MDGA2: variants seen among roughly 807,000 people sequenced by gnomAD.
The protein encoded by MDGA2 is MAM domain-containing glycosylphosphatidylinositol anchor protein 2.
A neutral mutation model predicts 117.8 loss-of-function variants in MDGA2; 40 were observed. The ratio of observed to expected loss-of-function variants is 0.34; its 90% confidence interval spans 0.26 to 0.44. MDGA2 has a LOEUF of 0.44. Among genes scored for constraint, MDGA2 ranks in the 20% least tolerant of loss-of-function variants. MDGA2 has a pLI of 1.00. For missense variants in MDGA2, 1,123 were observed against 1,250.6 expected, an observed-to-expected ratio of 0.90 and a Z score of 1.54; for synonymous variants, 452 against 439.0, an observed-to-expected ratio of 1.03 and a Z score of -0.37.
chr14:47,650,446 G>A (rs1897618622), intron 1 of MDGA2, among the ~76,000 whole-genome samples: 1 of 152,170 alleles, frequency 6.6e-6, no homozygotes, highest in African/African-American at 2.4e-5. Flanking sequence ...CCTGTGTGGA[G>A]TGTGCAGGTT....
At chr14:47,286,837 G>GTGTA (rs1566720912) in intron 2 of MDGA2, among the ~76,000 whole-genome samples, 1 of 97,966 alleles carries the variant, frequency 1.0e-5, no homozygotes, top group Non-Finnish European at 2.1e-5. Context: ...ATATATATAT[G>GTGTA]TATATATATA....
At chr14:47,328,618 G>A (rs1193074426) in intron 1 of MDGA2, among the ~76,000 whole-genome samples, 3 of 152,112 alleles carry the variant, frequency 2.0e-5, no homozygotes, top group Non-Finnish European at 4.4e-5. Context: ...TGAAAGAACT[G>A]TGTCCCTGTG....
At chr14:47,429,383 T>A (rs1453206552) in intron 1 of MDGA2, among the ~76,000 whole-genome samples, 1 of 152,136 alleles carries the variant, frequency 6.6e-6, no homozygotes, top group Non-Finnish European at 1.5e-5. Context: ...TAGAAAATTA[T>A]AACAATTCTT....
intron 3 of MDGA2, among the ~76,000 whole-genome samples, chr14:47,176,334 C>T (rs180753711): frequency 2.9e-4 from 44 of 152,244 alleles, no homozygotes; most frequent in African/African-American, 1.0e-3. Flanking sequence ...ACAGAGCCGG[C>T]ATTGCCAAGT....
chr14:47,014,543 T>C (rs1888014147), intron 8 of MDGA2, among the ~76,000 whole-genome samples: 1 of 152,206 alleles, frequency 6.6e-6, no homozygotes, highest in South Asian at 2.1e-4. Context: ...CTTGCTGCAG[T>C]TTCTACATCA....
chr14:46,912,219 CA>C (rs1883732977), intron 10 of MDGA2, among the ~76,000 whole-genome samples: 1 of 152,128 alleles, frequency 6.6e-6, no homozygotes, highest in Admixed American at 6.5e-5. Flanking sequence ...AGCAAATTTG[CA>C]TTTTCATATT....
intron 3 of MDGA2, among the ~76,000 whole-genome samples, chr14:47,166,466 T>A (rs2139299556): frequency 6.6e-6 from 1 of 152,268 alleles, no homozygotes; most frequent in Middle Eastern, 3.4e-3. Flanking sequence ...ATATTCTCTG[T>A]CTACTCAAAG....
intron 2 of MDGA2, among the ~76,000 whole-genome samples, chr14:47,279,759 C>T (rs1888416446): frequency 1.3e-5 from 2 of 151,970 alleles, no homozygotes; most frequent in South Asian, 4.1e-4. Flanking sequence ...CTACCCATTC[C>T]CCTACACACA....
At chr14:47,377,399 G>A (rs575273287) in intron 1 of MDGA2, among the ~76,000 whole-genome samples, 4 of 152,242 alleles carry the variant, frequency 2.6e-5, no homozygotes, top group South Asian at 4.1e-4. Context: ...AGTGTGAGCC[G>A]AAGCAGGGTG....
chr14:47,188,427 C>T (rs989208072), intron 3 of MDGA2, among the ~76,000 whole-genome samples: 1 of 152,148 alleles, frequency 6.6e-6, no homozygotes, highest in East Asian at 1.9e-4. Context: ...TGTGAGGGAA[C>T]AGCAGTTGAA....
At position 47,395,556 on chromosome 14, in the gene MDGA2, G is replaced by A. The variant is rs554253500; in HGVS notation, c.281-94006C>T. On this transcript the variant is annotated intron_variant, in intron 1 of 16. Coordinates refer to ENST00000399232, the MANE Select transcript of MDGA2 (RefSeq NM_001113498.3). The stretch of plus-strand genomic sequence containing the variant: ...TAATTTACTAAAGTAAATACCTAGT[G>A]ATTGGAAAATGATGTTATTCAATAT... 6.6e-5 allele frequency among the ~76,000 whole-genome samples: 10 copies of A among 152,172 alleles called. No individual in the cohort carries two copies. In the East Asian group the frequency reaches 1.5e-3, roughly 23 times the overall value.
chr14:46,979,798 A>G (rs1271398586), intron 8 of MDGA2, among the ~76,000 whole-genome samples: 1 of 152,232 alleles, frequency 6.6e-6, no homozygotes, highest in African/African-American at 2.4e-5. Context: ...CCATCATGAT[A>G]ACTTAAAAGT....
At chr14:47,398,477 T>C (rs1892063966) in intron 1 of MDGA2, among the ~76,000 whole-genome samples, 1 of 152,136 alleles carries the variant, frequency 6.6e-6, no homozygotes, top group South Asian at 2.1e-4. Context: ...TTGGAGAGGT[T>C]GTTATGGGGA....
chr14:47,298,975 C>A (rs1246428548), intron 2 of MDGA2, among the ~76,000 whole-genome samples: 4 of 152,156 alleles, frequency 2.6e-5, no homozygotes, highest in Middle Eastern at 3.4e-3. Context: ...CGTGAGCCAC[C>A]GCGCCCAGCC....
intron 6 of MDGA2, among the ~76,000 whole-genome samples, chr14:47,068,406 AAG>A: frequency 2.6e-5 from 2 of 77,950 alleles, no homozygotes; most frequent in African/African-American, 1.5e-4. Flanking sequence ...TATTTTAAGT[AAG>A]AAAAAAAAAA....
At chr14:47,507,217 T>C (rs537754993) in intron 1 of MDGA2, among the ~76,000 whole-genome samples, 3 of 152,076 alleles carry the variant, frequency 2.0e-5, no homozygotes, top group African/African-American at 7.2e-5. Flanking sequence ...CAAAGGACTA[T>C]CCAGCTGCCA....
intron 1 of MDGA2, among the ~76,000 whole-genome samples, chr14:47,398,923 T>C (rs1365792396): frequency 2.6e-5 from 4 of 152,180 alleles, no homozygotes; most frequent in Non-Finnish European, 4.4e-5. Flanking sequence ...GACAGAATAA[T>C]TGATATATAC....
intron 1 of MDGA2, among the ~76,000 whole-genome samples, chr14:47,403,088 C>G (rs1249551161): frequency 6.6e-6 from 1 of 152,202 alleles, no homozygotes; most frequent in African/African-American, 2.4e-5. Context: ...TCTCTAGCGT[C>G]CATGCTGAGT....
chr14:47,580,107 C>G (rs1896201842), intron 1 of MDGA2, among the ~76,000 whole-genome samples: 1 of 151,998 alleles, frequency 6.6e-6, no homozygotes, highest in Non-Finnish European at 1.5e-5. Context: ...TGAATACTCT[C>G]CAAAGCTCAA....
Sources: allele counts gnomAD v4.1 joint callset (sites outside exome capture counted in the v4.1 genomes callset), GRCh38; gene constraint gnomAD v4.1.1; transcripts MANE v1.5; gene names NCBI Gene and HGNC (gene_info 2026-07-23, HGNC 2026-07-21).